Variants in THAP5 observed in about 807,000 individuals in gnomAD.
THAP5 encodes the protein THAP domain containing 5.
Under a neutral mutation model 34.0 loss-of-function variants are expected in THAP5, and 26 were observed. The ratio of observed to expected loss-of-function variants is 0.77; its 90% CI spans 0.56 to 1.06. THAP5 has a LOEUF of 1.06. Ranked by LOEUF, THAP5 falls within the 50% of genes least tolerant of loss-of-function variation. The pLI is 0.00. For missense variants in THAP5, 394 were observed against 452.8 expected (o/e 0.87, Z 1.18); for synonymous variants, 125 against 153.0 (o/e 0.82, Z 1.35).
downstream of THAP5, among the ~76,000 whole-genome samples, chr7:108,561,387 C>T (rs1024409380): frequency 1.3e-5 from 2 of 151,538 alleles, no homozygotes; most frequent in Non-Finnish European, 2.9e-5. Flanking sequence ...CCTCAGACTC[C>T]TGAGTAGCTG....
chr7:108,549,999 C>A (rs1314721935), downstream of THAP5, among the ~76,000 whole-genome samples: 1 of 152,116 alleles, frequency 6.6e-6, no homozygotes, highest in Non-Finnish European at 1.5e-5. Context: ...ATTTTCATCT[C>A]TAGATCAATT....
chr7:108,546,159 A>C, the THAP5 span, among the ~76,000 whole-genome samples: 2 of 152,182 alleles, frequency 1.3e-5, no homozygotes. Flanking sequence ...GATGCAGTTC[A>C]CTTTATCAAC....
chr7:108,560,221 T>A (rs1196774097), downstream of THAP5, among the ~76,000 whole-genome samples: 2 of 152,224 alleles, frequency 1.3e-5, no homozygotes, highest in Non-Finnish European at 1.5e-5. Context: ...GGACCTTGTT[T>A]GCAAAGGAGA....
downstream of THAP5, among the ~76,000 whole-genome samples, chr7:108,560,575 G>A (rs1476810149): frequency 6.6e-6 from 1 of 152,204 alleles, no homozygotes; most frequent in Non-Finnish European, 1.5e-5. Flanking sequence ...AGAGGAAGCT[G>A]AAGATTCATA....
At chr7:108,561,039 G>A (rs371850984), downstream of THAP5, among the ~76,000 whole-genome samples, 3 of 152,074 alleles carry the variant, frequency 2.0e-5, no homozygotes, top group South Asian at 2.1e-4. Context: ...TGCCTGTACC[G>A]CAACTTCTGT....
chr7:108,568,642 G>C (rs1790539634), intron 1 of THAP5: 1 of 154,596 alleles, frequency 6.5e-6, no homozygotes, highest in Non-Finnish European at 1.5e-5. Context: ...TAAATGAATT[G>C]TTTTTAAATA....
Position 108,563,630 on chromosome 7 carries a change from A to C in THAP5, c.*561T>G, listed in dbSNP as rs182915015. 2.0e-5 allele frequency: 3 copies of C among 152,196 alleles called. No individual in the cohort carries two copies. Among genetic ancestry groups the C allele is most frequent in the African/African-American group, 7.2e-5 (3 of 41,544 alleles). 9.4% of individuals were successfully genotyped at this position (152,196 alleles called of 1,614,324 possible). ...ATATGTAACTATAGCCAAAAGGTCA[A>C]AGACCACAGAATTCAATAAATACTG... On this transcript the variant is annotated 3_prime_UTR_variant, in exon 3 of 3. Coordinates refer to ENST00000415914, the MANE Select transcript of THAP5 (RefSeq NM_001130475.3).
downstream of THAP5, among the ~76,000 whole-genome samples, chr7:108,561,288 C>T (rs1214781314): frequency 6.7e-6 from 1 of 149,750 alleles, no homozygotes; most frequent in Admixed American, 6.7e-5. Flanking sequence ...TTTAAAGACA[C>T]GGTCTCACTT....
At chr7:108,565,627 T>G (rs773284004) in intron 2 of THAP5, 2 of 420,150 alleles carry the variant, frequency 4.8e-6, no homozygotes, top group Admixed American at 8.0e-5. Flanking sequence ...TAATAATGTA[T>G]ATCTCTTGCT....
At chr7:108,566,385 A>T (rs1313773405) in intron 1 of THAP5, among the ~76,000 whole-genome samples, 1 of 152,250 alleles carries the variant, frequency 6.6e-6, no homozygotes. Context: ...ACTAGAAAAA[A>T]GGTTTGTATA....
rs1790564756 is a variant in THAP5, at chr7:108,569,512, CTTTA to C, written c.54_57del (p.Asn18LysfsTer5). 3 of 1,551,808 alleles carry C rather than the reference CTTTA, an allele frequency of 1.9e-6. No individual in the cohort carries two copies. The highest frequency in any genetic ancestry group is 2.6e-6 in the Non-Finnish European group (3 of 1,147,020). ...TACGGATAAAAACTCAGCTTCCGGTCTTTATTGTTTCGTCCCCGGCGGTTCTTAC... is the reference window on the plus strand; with the variant it reads ...TACGGATAAAAACTCAGCTTCCGGTCTTGTTTCGTCCCCGGCGGTTCTTAC... On this transcript the variant is annotated frameshift_variant, in exon 1 of 3. Transcript: ENST00000415914. LOFTEE classifies it high-confidence loss of function.
chr7:108,546,629 G>T, the THAP5 span, among the ~76,000 whole-genome samples: 342 of 152,306 alleles, frequency 2.2e-3, 2 homozygotes, highest in African/African-American at 7.7e-3. Flanking sequence ...CCCATATCAA[G>T]AATTATTGTT....
At chr7:108,567,164 G>A (rs113284027) in intron 1 of THAP5, among the ~76,000 whole-genome samples, 8 of 151,760 alleles carry the variant, frequency 5.3e-5, no homozygotes, top group Admixed American at 1.3e-4. Context: ...ATCCTCATAC[G>A]GAAAAAAATC....
chr7:108,548,084 A>G, the THAP5 span, among the ~76,000 whole-genome samples: 4 of 152,350 alleles, frequency 2.6e-5, no homozygotes, highest in East Asian at 5.8e-4. Flanking sequence ...TGGTTATAAC[A>G]TGCCAGGAGA....
downstream of THAP5, among the ~76,000 whole-genome samples, chr7:108,557,990 C>G (rs889761226): frequency 6.6e-6 from 1 of 152,146 alleles, no homozygotes; most frequent in African/African-American, 2.4e-5. Context: ...AAAAAGGAAG[C>G]AAGCACCTTC....
intron 1 of THAP5, chr7:108,569,143 G>C (rs1790553891): frequency 9.1e-7 from 1 of 1,103,300 alleles, no homozygotes; most frequent in South Asian, 3.1e-5. Context: ...TTTCCACTTC[G>C]CAGGTTTCAC....
At chr7:108,565,218 T>TA (rs1216262936) in intron 2 of THAP5, 113 bp from the exon 3 acceptor site, 53 of 839,706 alleles carry the variant, frequency 6.3e-5, no homozygotes, top group South Asian at 1.1e-4. Context: ...TTTATTTAGT[T>TA]AAAAAAAAGC....
At chr7:108,565,325 G>A in intron 2 of THAP5, 1 of 351,848 alleles carries the variant, frequency 2.8e-6, no homozygotes, top group African/African-American at 2.1e-5. Context: ...CTAGTATATT[G>A]GGAGGCCAAG....
chr7:108,541,913 C>T, the THAP5 span, among the ~76,000 whole-genome samples: 1 of 152,244 alleles, frequency 6.6e-6, no homozygotes, highest in African/African-American at 2.4e-5. Flanking sequence ...ACAGCTTAAC[C>T]CTTAAGTTAC....
Sources: allele counts gnomAD v4.1 joint callset (sites outside exome capture counted in the v4.1 genomes callset), GRCh38; gene constraint gnomAD v4.1.1; transcripts MANE v1.5; gene names NCBI Gene and HGNC (gene_info 2026-07-23, HGNC 2026-07-21).